Variants in RALYL observed in about 807,000 individuals in gnomAD.
RALYL encodes RNA-binding Raly-like protein.
RALYL carries 29 observed loss-of-function variants against 35.1 expected under a neutral mutation model. The observed-to-expected ratio is 0.83, with a 90% CI of 0.61 to 1.13. RALYL has a LOEUF of 1.13. RALYL is among the 50% of genes most tolerant of loss of function. The probability of loss-of-function intolerance (pLI) is 0.00; values close to 1 mark genes in which losing one functional copy is unlikely to be tolerated. For synonymous variants in RALYL, 120 were observed against 127.6 expected, an observed-to-expected ratio of 0.94 and a Z score of 0.40; for missense variants, 359 against 360.4, an observed-to-expected ratio of 1.00 and a Z score of 0.03.
chr8:84,282,725 T>C (rs1836821028), intron 1 of RALYL, among the ~76,000 whole-genome samples: 1 of 139,670 alleles, frequency 7.2e-6, no homozygotes, highest in Admixed American at 7.8e-5. Context: ...TGTGTATATA[T>C]ATGTATCTAT....
At chr8:84,847,720 G>T (rs570674505) in intron 4 of RALYL, among the ~76,000 whole-genome samples, 5 of 152,182 alleles carry the variant, frequency 3.3e-5, no homozygotes, top group African/African-American at 9.6e-5. Context: ...TACACTTTAG[G>T]CAGTGGTCTC....
intron 2 of RALYL, among the ~76,000 whole-genome samples, chr8:84,564,491 T>C (rs1433552354): frequency 6.6e-6 from 1 of 151,740 alleles, no homozygotes; most frequent in African/African-American, 2.4e-5. Context: ...ATCCATATGA[T>C]AGCCATTCAG....
intron 4 of RALYL, among the ~76,000 whole-genome samples, chr8:84,805,343 G>C (rs757795860): frequency 6.6e-6 from 1 of 152,110 alleles, no homozygotes; most frequent in Non-Finnish European, 1.5e-5. Flanking sequence ...TAAGACGAAC[G>C]CTTGCCTGCT....
At chr8:84,508,661 A>AT (rs963312773) in intron 1 of RALYL, among the ~76,000 whole-genome samples, 1 of 151,950 alleles carries the variant, frequency 6.6e-6, no homozygotes. Flanking sequence ...ACATATATAT[A>AT]TTTTTTTAAA....
At chr8:84,472,446 G>A (rs900200865) in intron 1 of RALYL, among the ~76,000 whole-genome samples, 3 of 152,124 alleles carry the variant, frequency 2.0e-5, no homozygotes, top group Admixed American at 1.3e-4. Context: ...ATAGGATTTG[G>A]ACACGCAAAG....
At chr8:84,193,010 T>A (rs558585077) in intron 1 of RALYL, among the ~76,000 whole-genome samples, 1 of 152,096 alleles carries the variant, frequency 6.6e-6, no homozygotes, top group Non-Finnish European at 1.5e-5. Flanking sequence ...CTTTCTAGTA[T>A]TCCATCTATT....
At chr8:84,501,773 C>A (rs922058644) in intron 1 of RALYL, among the ~76,000 whole-genome samples, 5 of 150,882 alleles carry the variant, frequency 3.3e-5, no homozygotes, top group Non-Finnish European at 5.9e-5. Context: ...AAAAACTCCT[C>A]AGATGGTTCT....
intron 1 of RALYL, among the ~76,000 whole-genome samples, chr8:84,200,213 AAT>A (rs1331667179): frequency 6.6e-6 from 1 of 152,154 alleles, no homozygotes; most frequent in Non-Finnish European, 1.5e-5. Context: ...ACAAATACTT[AAT>A]TATATTGATA....
intron 1 of RALYL, among the ~76,000 whole-genome samples, chr8:84,251,572 C>G (rs1830207461): frequency 6.6e-6 from 1 of 151,926 alleles, no homozygotes; most frequent in African/African-American, 2.4e-5. Context: ...AAAAACATTC[C>G]ACTTTGTCTG....
intron 1 of RALYL, among the ~76,000 whole-genome samples, chr8:84,234,770 T>A (rs952077108): frequency 1.7e-4 from 10 of 60,500 alleles, no homozygotes; most frequent in African/African-American, 4.7e-4. Context: ...TATTTATTTA[T>A]TTTTTTTTTT....
At chr8:84,734,112 C>A (rs987742664) in intron 2 of RALYL, among the ~76,000 whole-genome samples, 4 of 152,088 alleles carry the variant, frequency 2.6e-5, no homozygotes, top group African/African-American at 9.7e-5. Context: ...AATATGAAAA[C>A]CCTGCATAGT....
intron 1 of RALYL, among the ~76,000 whole-genome samples, chr8:84,302,924 G>T (rs150067008): frequency 6.2e-4 from 94 of 152,330 alleles, no homozygotes; most frequent in African/African-American, 2.1e-3. Flanking sequence ...AGGACTTGCA[G>T]AAATAGTTGG....
intron 1 of RALYL, among the ~76,000 whole-genome samples, chr8:84,223,137 C>T (rs1411553210): frequency 7.4e-6 from 1 of 135,030 alleles, no homozygotes; most frequent in Non-Finnish European, 1.5e-5. Context: ...CCTTTCCTTT[C>T]CTTTCCTTTC....
intron 1 of RALYL, among the ~76,000 whole-genome samples, chr8:84,439,572 A>G (rs995326620): frequency 4.6e-5 from 7 of 152,140 alleles, no homozygotes; most frequent in African/African-American, 1.7e-4. Context: ...AGCTACATGC[A>G]TCATCTGTCA....
chr8:84,242,653 A>T (rs908456939), intron 1 of RALYL, among the ~76,000 whole-genome samples: 2 of 152,170 alleles, frequency 1.3e-5, no homozygotes, highest in African/African-American at 2.4e-5. Context: ...GTATCTGTTC[A>T]TGCGCTTTGC....
intron 1 of RALYL, among the ~76,000 whole-genome samples, chr8:84,319,694 G>T (rs535904598): frequency 6.6e-6 from 1 of 152,074 alleles, no homozygotes; most frequent in Admixed American, 6.5e-5. Flanking sequence ...TTTCATTAAT[G>T]ATTCTTGAGT....
chr8:84,869,176 C>A (rs1839732104), intron 6 of RALYL, among the ~76,000 whole-genome samples: 1 of 151,984 alleles, frequency 6.6e-6, no homozygotes. Flanking sequence ...AGCTGCATGG[C>A]ACAATAAAAA....
chr8:84,241,841 GT>G (rs928738605), intron 1 of RALYL, among the ~76,000 whole-genome samples: 4 of 149,666 alleles, frequency 2.7e-5, no homozygotes, highest in South Asian at 4.2e-4. Context: ...CACACTTTTT[GT>G]TTTTTTTCTT....
chr8:84,676,710 C>T (rs1345899545), intron 2 of RALYL, among the ~76,000 whole-genome samples: 1 of 152,152 alleles, frequency 6.6e-6, no homozygotes, highest in Non-Finnish European at 1.5e-5. Flanking sequence ...CCTTTCTGTG[C>T]TTGGAGTTAT....
Sources: allele counts gnomAD v4.1 joint callset (sites outside exome capture counted in the v4.1 genomes callset), GRCh38; gene constraint gnomAD v4.1.1; transcripts MANE v1.5; gene names NCBI Gene and HGNC (gene_info 2026-07-23, HGNC 2026-07-21).